RALYL: variants seen among roughly 807,000 people sequenced by gnomAD.
The protein encoded by RALYL is RALY RNA binding protein like, also known as RNA-binding Raly-like protein.
In RALYL, 29 loss-of-function variants were observed where a neutral mutation model predicts 35.1. The ratio of observed to expected loss-of-function variants is 0.83; its 90% CI spans 0.61 to 1.13. The LOEUF (loss-of-function observed/expected upper bound fraction) is 1.13, where lower values mean the gene tolerates loss of function less well. Among genes scored for constraint, RALYL ranks in the 50% most tolerant of loss-of-function variants. RALYL has a pLI of 0.00. For missense variants in RALYL, 359 were observed against 360.4 expected (o/e 1.00, Z 0.03); for synonymous variants, 120 against 127.6 (o/e 0.94, Z 0.40).
chr8:84,319,022 AT>A (rs148349294), intron 1 of RALYL, among the ~76,000 whole-genome samples: 3,071 of 152,230 alleles, frequency 0.02, 110 homozygotes, highest in African/African-American at 0.07. Flanking sequence ...GAATTTAAGT[AT>A]TTAACATACT....
At chr8:84,386,236 T>A (rs547050608) in intron 1 of RALYL, among the ~76,000 whole-genome samples, 8 of 151,972 alleles carry the variant, frequency 5.3e-5, no homozygotes, top group African/African-American at 1.7e-4. Flanking sequence ...GCCTTTGCCC[T>A]TATCCATCCT....
At chr8:84,681,004 A>G (rs1455481287) in intron 2 of RALYL, among the ~76,000 whole-genome samples, 1 of 151,956 alleles carries the variant, frequency 6.6e-6, no homozygotes, top group Non-Finnish European at 1.5e-5. Context: ...TAAGTCTTTA[A>G]TCCATCTTGA....
chr8:84,606,910 C>T (rs1177438020), intron 2 of RALYL, among the ~76,000 whole-genome samples: 1 of 152,038 alleles, frequency 6.6e-6, no homozygotes, highest in African/African-American at 2.4e-5. Flanking sequence ...CTGCTCTCAA[C>T]TGTATTAACA....
intron 4 of RALYL, among the ~76,000 whole-genome samples, chr8:84,832,395 C>G (rs1018752456): frequency 1.3e-5 from 2 of 151,926 alleles, no homozygotes; most frequent in Admixed American, 6.6e-5. Context: ...GGTCTGAGTT[C>G]TTTTCTTTTT....
At chr8:84,614,174 C>T (rs1476778474) in intron 2 of RALYL, among the ~76,000 whole-genome samples, 1 of 151,524 alleles carries the variant, frequency 6.6e-6, no homozygotes, top group Non-Finnish European at 1.5e-5. Context: ...GTGCCTGGCA[C>T]ACAGTAAGAA....
At chr8:84,771,646 G>A (rs193114739) in intron 2 of RALYL, among the ~76,000 whole-genome samples, 22 of 152,104 alleles carry the variant, frequency 1.4e-4, no homozygotes, top group African/African-American at 5.1e-4. Context: ...ATGAGGTTGA[G>A]CATTTTTTCA....
chr8:84,457,479 A>T (rs1222343947), intron 1 of RALYL, among the ~76,000 whole-genome samples: 1 of 151,930 alleles, frequency 6.6e-6, no homozygotes, highest in Non-Finnish European at 1.5e-5. Flanking sequence ...TGATATACAA[A>T]GTGTTGTTTT....
intron 2 of RALYL, among the ~76,000 whole-genome samples, chr8:84,709,150 A>C (rs1264048588): frequency 6.6e-6 from 1 of 152,148 alleles, no homozygotes; most frequent in Non-Finnish European, 1.5e-5. Context: ...GTGGGTTGCA[A>C]TCTCTTCTGT....
chr8:84,911,408 T>A (rs1456846541), intron 8 of RALYL, among the ~76,000 whole-genome samples: 2 of 152,160 alleles, frequency 1.3e-5, no homozygotes, highest in Non-Finnish European at 2.9e-5. Flanking sequence ...TATTTGCTAT[T>A]ATTAATACTT....
intron 1 of RALYL, among the ~76,000 whole-genome samples, chr8:84,218,650 CAACACTGA>C (rs1349671235): frequency 6.6e-6 from 1 of 151,964 alleles, no homozygotes; most frequent in African/African-American, 2.4e-5. Context: ...TTTCTAACTC[CAACACTGA>C]TTGGAATTAG....
At chr8:84,185,142 G>A in intron 1 of RALYL, 2 of 933,950 alleles carry the variant, frequency 2.1e-6, no homozygotes, top group Non-Finnish European at 3.5e-6. Context: ...GTCTTCCAGG[G>A]GATGGGGAAA....
At chr8:84,661,255 C>A (rs552828972) in intron 2 of RALYL, among the ~76,000 whole-genome samples, 1 of 152,046 alleles carries the variant, frequency 6.6e-6, no homozygotes, top group African/African-American at 2.4e-5. Flanking sequence ...ATAGAGGGAC[C>A]ATAAATTATT....
intron 2 of RALYL, among the ~76,000 whole-genome samples, chr8:84,688,287 A>G (rs556952700): frequency 6.6e-6 from 1 of 152,258 alleles, no homozygotes; most frequent in South Asian, 2.1e-4. Flanking sequence ...ATAACAGGAT[A>G]CAAATAAAGG....
chr8:84,559,664 A>G (rs1382271832), intron 2 of RALYL, among the ~76,000 whole-genome samples: 1 of 152,106 alleles, frequency 6.6e-6, no homozygotes, highest in African/African-American at 2.4e-5. Context: ...ATTAAAGAGT[A>G]AGCAAAGATC....
intron 1 of RALYL, among the ~76,000 whole-genome samples, chr8:84,429,656 T>C (rs1489895583): frequency 6.6e-6 from 1 of 152,110 alleles, no homozygotes; most frequent in East Asian, 1.9e-4. Context: ...CAAACTTTCA[T>C]GTTAATAGAG....
At chr8:84,748,416 C>T (rs981147073) in intron 2 of RALYL, among the ~76,000 whole-genome samples, 2 of 151,992 alleles carry the variant, frequency 1.3e-5, no homozygotes, top group African/African-American at 4.8e-5. Context: ...AGATCTAATT[C>T]AAGCCTGGCT....
intron 2 of RALYL, among the ~76,000 whole-genome samples, chr8:84,675,498 T>A (rs1031805321): frequency 1.3e-5 from 2 of 152,152 alleles, no homozygotes; most frequent in African/African-American, 4.8e-5. Flanking sequence ...TAAAAATTAG[T>A]TTATACTTGA....
At position 84,736,942 on chromosome 8, in the gene RALYL, AT is replaced by A. The variant is rs562044941; in HGVS notation, c.257-37633del. Among the ~76,000 whole-genome samples, 59 of 152,146 alleles carry A rather than the reference AT, an allele frequency of 3.9e-4. No homozygotes were observed. The South Asian group carries it at 6.6e-3, about 17-fold the overall frequency. On this transcript the variant is annotated intron_variant, in intron 2 of 8. Coordinates refer to ENST00000521268, the MANE Select transcript of RALYL (RefSeq NM_173848.7). ...CTAAATCCTACTTGCTATTCAACAC[AT>A]TTTGAAGGATGAAACTGTAATATTA...
intron 2 of RALYL, among the ~76,000 whole-genome samples, chr8:84,540,144 CAAT>C (rs1316281251): frequency 6.6e-6 from 1 of 151,804 alleles, no homozygotes; most frequent in South Asian, 2.1e-4. Flanking sequence ...ATGTGTACAA[CAAT>C]GTCTCTTGCA....
Sources: gnomAD v4.1 joint callset for allele counts (sites outside exome capture counted in the v4.1 genomes callset) on GRCh38, gnomAD v4.1.1 for gene constraint, MANE v1.5 for transcripts, NCBI Gene and HGNC (gene_info 2026-07-23, HGNC 2026-07-21) for gene names.